Variants in KLHL1 observed in about 807,000 individuals in gnomAD.
KLHL1 encodes kelch-like protein 1.
A neutral mutation model predicts 77.7 loss-of-function variants in KLHL1; 47 were observed. The ratio of observed to expected loss-of-function variants is 0.60; its 90% CI spans 0.48 to 0.77. The LOEUF is 0.77. Ranked by LOEUF, KLHL1 falls within the 30% of genes least tolerant of loss-of-function variation. The pLI is 0.00. For synonymous variants in KLHL1, 360 were observed against 325.2 expected, an observed-to-expected ratio of 1.11 and a Z score of -1.15; for missense variants, 925 against 910.8, an observed-to-expected ratio of 1.02 and a Z score of -0.20.
At chr13:70,044,164 A>G (rs189101457) in intron 1 of KLHL1, among the ~76,000 whole-genome samples, 11 of 152,248 alleles carry the variant, frequency 7.2e-5, no homozygotes, top group Admixed American at 7.2e-4. Flanking sequence ...TACTTCTCAC[A>G]GCCCAGTTCA....
chr13:70,038,473 AAC>A (rs1886291262), intron 1 of KLHL1, among the ~76,000 whole-genome samples: 1 of 152,108 alleles, frequency 6.6e-6, no homozygotes, highest in Admixed American at 6.6e-5. Context: ...TTTTTTAAGA[AAC>A]TGCCAAATTA....
chr13:70,102,762 T>C (rs1887955151), intron 1 of KLHL1, among the ~76,000 whole-genome samples: 1 of 152,234 alleles, frequency 6.6e-6, no homozygotes, highest in South Asian at 2.1e-4. Context: ...GTAGCAGGAT[T>C]ATAAGATGTT....
At chr13:69,835,707 T>G (rs1878960564) in intron 6 of KLHL1, among the ~76,000 whole-genome samples, 1 of 152,184 alleles carries the variant, frequency 6.6e-6, no homozygotes, top group South Asian at 2.1e-4. Flanking sequence ...GGAATCAAAC[T>G]TCTGTTGTCA....
intron 4 of KLHL1, among the ~76,000 whole-genome samples, chr13:69,902,920 T>C (rs1881920157): frequency 6.7e-6 from 1 of 149,970 alleles, no homozygotes; most frequent in Admixed American, 6.6e-5. Context: ...AATAAATAAA[T>C]AGATAATTCA....
Position 69,996,890 on chromosome 13 carries a change from GTTC to G in KLHL1, c.498-21091_498-21089del, listed in dbSNP as rs1041714090. On this transcript the variant is annotated intron_variant, in intron 1 of 10. Coordinates refer to ENST00000377844, the MANE Select transcript of KLHL1 (RefSeq NM_020866.3). ...TGTTAAGAAATTGCCTTTATGAAAA[GTTC>G]TTATTTTATTCATTAAATTTTTTTT... 3.5e-5 allele frequency among the ~76,000 whole-genome samples: 4 copies of G among 113,982 alleles called. No individual in the cohort carries two copies. In the South Asian group the frequency reaches 1.2e-3, roughly 34 times the overall value. 74.8% of individuals were successfully genotyped at this position (113,982 alleles called of 152,430 possible).
intron 4 of KLHL1, among the ~76,000 whole-genome samples, chr13:69,920,983 C>A: frequency 6.6e-6 from 1 of 152,112 alleles, no homozygotes; most frequent in Non-Finnish European, 1.5e-5. Context: ...TAACAATTAA[C>A]CAACTTATGT....
intron 6 of KLHL1, among the ~76,000 whole-genome samples, chr13:69,828,795 C>T (rs530976417): frequency 6.7e-6 from 1 of 150,072 alleles, no homozygotes; most frequent in East Asian, 1.9e-4. Flanking sequence ...TCCACCACTT[C>T]CCTGGCAACC....
In KLHL1 at chr13:69,771,912, T is replaced by C. The variant is rs1388775020; in HGVS notation, c.1639+24826A>G. On this transcript the variant is annotated intron_variant, in intron 7 of 10. Transcript: ENST00000377844. ...CTCACTTTTTTCTCATGTATATCTT[T>C]GTAGTATTGCAAGACTTATCAATAA... 3.9e-5 allele frequency among the ~76,000 whole-genome samples: 6 copies of C among 152,254 alleles called. No homozygotes were observed. In the East Asian group the frequency reaches 9.7e-4, roughly 24 times the overall value.
intron 6 of KLHL1, among the ~76,000 whole-genome samples, chr13:69,823,903 C>T (rs924265054): frequency 1.3e-5 from 2 of 151,590 alleles, no homozygotes; most frequent in African/African-American, 2.4e-5. Context: ...ATTAAATGTT[C>T]TTATCCATTT....
chr13:69,909,263 G>A (rs1882152705), intron 4 of KLHL1, among the ~76,000 whole-genome samples: 8 of 151,918 alleles, frequency 5.3e-5, no homozygotes, highest in Admixed American at 4.6e-4. Context: ...TTATGGCAAA[G>A]CTTGCACAGA....
At chr13:69,951,996 T>G (rs537808058) in intron 3 of KLHL1, among the ~76,000 whole-genome samples, 34 of 151,580 alleles carry the variant, frequency 2.2e-4, no homozygotes, top group African/African-American at 8.2e-4. Flanking sequence ...ATTATGTGAC[T>G]GTTATTTCCC....
chr13:69,934,189 T>C (rs1284170956), intron 4 of KLHL1, among the ~76,000 whole-genome samples: 3 of 152,184 alleles, frequency 2.0e-5, no homozygotes, highest in Non-Finnish European at 4.4e-5. Flanking sequence ...TTAAACTTTA[T>C]GTGTGCCATC....
chr13:70,046,059 T>G (rs1886488284), intron 1 of KLHL1, among the ~76,000 whole-genome samples: 1 of 152,208 alleles, frequency 6.6e-6, no homozygotes, highest in Non-Finnish European at 1.5e-5. Context: ...GACATCATGT[T>G]GAATCTCCTT....
chr13:69,957,088 AG>A (rs1343944270), intron 3 of KLHL1, among the ~76,000 whole-genome samples: 1 of 151,646 alleles, frequency 6.6e-6, no homozygotes, highest in Non-Finnish European at 1.5e-5. Context: ...GCCAAATCAA[AG>A]GCTTATTGAA....
chr13:69,921,715 A>AT (rs1207179447), intron 4 of KLHL1, among the ~76,000 whole-genome samples: 1 of 152,080 alleles, frequency 6.6e-6, no homozygotes, highest in African/African-American at 2.4e-5. Flanking sequence ...ATTTTTTCAA[A>AT]TTTTAGTTGA....
At chr13:70,091,638 CATCA>C (rs1287562438) in intron 1 of KLHL1, among the ~76,000 whole-genome samples, 2 of 152,098 alleles carry the variant, frequency 1.3e-5, no homozygotes, top group Admixed American at 1.3e-4. Context: ...AATCCTAATT[CATCA>C]ATCTGCTGCA....
At chr13:69,937,358 C>CACAAGTCCATTCTATCAAAAAATTA (rs1178601846) in intron 4 of KLHL1, among the ~76,000 whole-genome samples, 2 of 152,128 alleles carry the variant, frequency 1.3e-5, no homozygotes, top group Non-Finnish European at 2.9e-5. Flanking sequence ...AAATATATGA[C>CACAAGTCCATTCTATCAAAAAATTA]AGTTATTGTC....
chr13:69,757,751 A>C (rs1303712613), intron 7 of KLHL1, among the ~76,000 whole-genome samples: 25 of 151,988 alleles, frequency 1.6e-4, no homozygotes, highest in Non-Finnish European at 1.5e-5. Context: ...CAGGAGTTTA[A>C]GACCAGCCTG....
intron 7 of KLHL1, among the ~76,000 whole-genome samples, chr13:69,783,027 TGCTGTTTTCCAGCCACC>T (rs1278763983): frequency 5.9e-5 from 9 of 152,134 alleles, no homozygotes; most frequent in African/African-American, 1.9e-4. Context: ...CTACAGCCAC[TGCTGTTTTCCAGCCACC>T]GCTGCTGATA....
Sources: gnomAD v4.1 joint callset for allele counts (sites outside exome capture counted in the v4.1 genomes callset) on GRCh38, gnomAD v4.1.1 for gene constraint, MANE v1.5 for transcripts, NCBI Gene and HGNC (gene_info 2026-07-23, HGNC 2026-07-21) for gene names.